DNAJB6: variants seen among roughly 807,000 people sequenced by gnomAD.
DNAJB6 encodes the protein DnaJ heat shock protein family (Hsp40) member B6.
DNAJB6 carries 16 observed loss-of-function variants against 42.7 expected under a neutral mutation model. The ratio of observed to expected loss-of-function variants is 0.37; its 90% CI spans 0.25 to 0.57. The LOEUF is 0.57. Ranked by LOEUF, DNAJB6 falls within the 20% of genes least tolerant of loss-of-function variation. DNAJB6 has a pLI of 0.74. For synonymous variants in DNAJB6, 170 were observed against 163.5 expected, an observed-to-expected ratio of 1.04 and a Z score of -0.30; for missense variants, 347 against 416.8, an observed-to-expected ratio of 0.83 and a Z score of 1.46.
rs1376728339 is a variant in DNAJB6 at position 157,354,355 on chromosome 7, C to G, written c.-26-4192C>G. 2.6e-5 allele frequency among the ~76,000 whole-genome samples: 4 copies of G among 152,142 alleles called. No homozygotes were observed. In the East Asian group the frequency reaches 7.7e-4, roughly 29 times the overall value. ...AGAGACAAGGTTGCTCCATGTTGAT[C>G]AGGCTGGTCTCGAACTCCCGACCTC... On this transcript the variant is annotated intron_variant, in intron 1 of 9. Transcript: ENST00000262177.
Position 157,414,613 on chromosome 7 carries a change from C to T in DNAJB6, c.899-1403C>T, listed in dbSNP as rs1193338932. On this transcript the variant is annotated intron_variant, in intron 9 of 9. Coordinates refer to ENST00000262177, the MANE Select transcript of DNAJB6 (RefSeq NM_058246.4). ...GCTTGGCGGTTCTGAACGCGCATCT[C>T]GTGCTGCTCCTGTAGGGCGGTTAGG... is the stretch of plus-strand genomic sequence containing the variant. 4.6e-5 allele frequency: 7 copies of T among 152,428 alleles called. No homozygotes were observed. The East Asian group carries it at 1.3e-3, about 29-fold the overall frequency. The allele number at this position is 152,428 out of a possible 1,614,324, so 9.4% of individuals were successfully genotyped here. A position where few individuals can be genotyped will look rare whatever the true frequency, so the allele number is the denominator to read the frequency against.
chr7:157,392,709 G>A (rs979301024), intron 8 of DNAJB6, among the ~76,000 whole-genome samples: 1 of 152,166 alleles, frequency 6.6e-6, no homozygotes, highest in Non-Finnish European at 1.5e-5. Context: ...CAGTCAGTGC[G>A]AGGAACACCC....
At chr7:157,349,647 A>G (rs1342770277) in intron 1 of DNAJB6, among the ~76,000 whole-genome samples, 4 of 151,558 alleles carry the variant, frequency 2.6e-5, no homozygotes, top group East Asian at 1.9e-4. Flanking sequence ...ATGCCTGGCT[A>G]ATTATTTTAT....
At chr7:157,413,140 C>T (rs2116679245) in intron 9 of DNAJB6, 1 of 152,248 alleles carries the variant, frequency 6.6e-6, no homozygotes, top group Non-Finnish European at 1.5e-5. Context: ...TGCCTGCGTT[C>T]AGAGGACAGA....
intron 1 of DNAJB6, chr7:157,337,762 T>C: frequency 6.6e-6 from 1 of 152,412 alleles, no homozygotes; most frequent in Non-Finnish European, 1.5e-5. Flanking sequence ...CCGTAGTTGA[T>C]GCAACTGAAG....
At position 157,360,921 on chromosome 7, in the gene DNAJB6, T is replaced by C. The variant is rs116816452; in HGVS notation, c.66-2240T>C. On this transcript the variant is annotated intron_variant, in intron 2 of 9. Transcript: ENST00000262177. ...ACATTCAAAGTCATTTGGCACTGTT[T>C]ACACTTGCATATCGTGTTGTATTAC... 4.2e-3 allele frequency among the ~76,000 whole-genome samples: 642 copies of C among 152,358 alleles called. 5 individuals are homozygous for C. The highest frequency in any genetic ancestry group is 0.015 in the African/African-American group (613 of 41,586).
intron 8 of DNAJB6, among the ~76,000 whole-genome samples, chr7:157,402,981 GAC>G (rs1795590398): frequency 6.6e-6 from 1 of 152,174 alleles, no homozygotes; most frequent in Admixed American, 6.5e-5. Flanking sequence ...ACACGCCCGT[GAC>G]ACAGCCTCAG....
intron 5 of DNAJB6, among the ~76,000 whole-genome samples, chr7:157,377,681 C>T (rs567357450): frequency 2.0e-5 from 3 of 152,282 alleles, no homozygotes; most frequent in East Asian, 1.9e-4. Context: ...AGGCAAGCTG[C>T]TTTACCAGTC....
At chr7:157,403,912 G>T (rs1276621191) in intron 8 of DNAJB6, among the ~76,000 whole-genome samples, 2 of 152,244 alleles carry the variant, frequency 1.3e-5, no homozygotes, top group Non-Finnish European at 2.9e-5. Flanking sequence ...GAGCCTCAGT[G>T]TTGAGTGAGG....
chr7:157,396,078 G>C (rs1428226930), intron 8 of DNAJB6, among the ~76,000 whole-genome samples: 1 of 151,778 alleles, frequency 6.6e-6, no homozygotes, highest in Admixed American at 6.6e-5. Context: ...CTCCTGAATA[G>C]CTAGGACTAC....
At chr7:157,405,532 G>GGGAT (rs1261005122) in intron 8 of DNAJB6, among the ~76,000 whole-genome samples, 2 of 152,158 alleles carry the variant, frequency 1.3e-5, no homozygotes, top group Admixed American at 1.3e-4. Context: ...GCTCTCTGTG[G>GGGAT]GGATCCACAG....
intron 1 of DNAJB6, among the ~76,000 whole-genome samples, chr7:157,346,310 G>A (rs1798681343): frequency 3.8e-5 from 2 of 52,992 alleles, no homozygotes; most frequent in South Asian, 6.0e-4. Flanking sequence ...GCTCTGCAAG[G>A]AGTAGTAAAA....
At chr7:157,373,621 G>A (rs1800326430) in intron 5 of DNAJB6, among the ~76,000 whole-genome samples, 1 of 152,228 alleles carries the variant, frequency 6.6e-6, no homozygotes, top group Non-Finnish European at 1.5e-5. Context: ...GAAGTGCTGG[G>A]ATTACATGCG....
At chr7:157,348,139 C>T (rs1190114972) in intron 1 of DNAJB6, among the ~76,000 whole-genome samples, 1 of 151,180 alleles carries the variant, frequency 6.6e-6, no homozygotes, top group Non-Finnish European at 1.5e-5. Flanking sequence ...GTGGCTCAGG[C>T]TGGAGTGCAG....
intron 5 of DNAJB6, chr7:157,378,591 C>A (rs996117406): frequency 5.9e-5 from 9 of 152,266 alleles, no homozygotes; most frequent in Non-Finnish European, 1.5e-5. Flanking sequence ...GCTCTGCTAG[C>A]CACGAACACT....
chr7:157,370,012 T>C (rs1333914438), intron 5 of DNAJB6, among the ~76,000 whole-genome samples: 1 of 147,778 alleles, frequency 6.8e-6, no homozygotes, highest in African/African-American at 2.6e-5. Context: ...AACATTATTA[T>C]TAAAGAGGCC....
chr7:157,413,423 C>G (rs1453568562), intron 9 of DNAJB6: 1 of 152,226 alleles, frequency 6.6e-6, no homozygotes, highest in East Asian at 1.9e-4. Context: ...GAATCTAACC[C>G]TGCCCTCAGC....
Position 157,416,137 on chromosome 7 carries a change from C to T in DNAJB6, c.*39C>T, listed in dbSNP as rs542342637. ...CACGCGGTGCACCCCCAGACGCTGG[C>T]GCTCCACCGTGCTCGGCATGCGGTC... On this transcript the variant is annotated 3_prime_UTR_variant, in exon 10 of 10. Transcript: ENST00000262177. The T allele has an allele frequency of 1.6e-5, 25 of 1,600,352 alleles. No homozygotes were observed. In the East Asian group the frequency reaches 1.6e-4, roughly 10 times the overall value.
intron 5 of DNAJB6, among the ~76,000 whole-genome samples, chr7:157,373,214 T>G (rs1018557756): frequency 2.6e-5 from 4 of 152,202 alleles, no homozygotes; most frequent in Admixed American, 2.6e-4. Flanking sequence ...TAATTTAATC[T>G]TTTTTGGGGA....
Sources: gnomAD v4.1 joint callset for allele counts (sites outside exome capture counted in the v4.1 genomes callset) on GRCh38, gnomAD v4.1.1 for gene constraint, MANE v1.5 for transcripts, NCBI Gene and HGNC (gene_info 2026-07-23, HGNC 2026-07-21) for gene names.